Variants in KANK1 observed in about 807,000 individuals in gnomAD.
KANK1 encodes the protein KN motif and ankyrin repeat domain-containing protein 1.
Under a neutral mutation model 106.2 loss-of-function variants are expected in KANK1, and 109 were observed. The ratio of observed to expected loss-of-function variants is 1.03; its 90% confidence interval spans 0.88 to 1.20. KANK1 has a LOEUF of 1.20. Among genes scored for constraint, KANK1 ranks in the 50% most tolerant of loss-of-function variants. The pLI, the probability that KANK1 is intolerant of heterozygous loss-of-function variation, is 0.00. For missense variants in KANK1, 2,399 were observed against 1,710.7 expected (o/e 1.40, Z -7.10); for synonymous variants, 873 against 652.2 (o/e 1.34, Z -5.16).
intron 1 of KANK1, among the ~76,000 whole-genome samples, chr9:664,523 C>T (rs1008371474): frequency 6.6e-6 from 1 of 152,110 alleles, no homozygotes; most frequent in Non-Finnish European, 1.5e-5. Flanking sequence ...TCTCAAACTC[C>T]TGGACTCAAG....
chr9:572,829 C>A (rs1470301606), intron 1 of KANK1, among the ~76,000 whole-genome samples: 3 of 152,164 alleles, frequency 2.0e-5, no homozygotes, highest in African/African-American at 7.2e-5. Flanking sequence ...TCCCACATTT[C>A]CATCTTTATA....
chr9:676,940 C>T lies in KANK1; in HGVS notation c.-33C>T, dbSNP rs757648531. On this transcript the variant is annotated 5_prime_UTR_variant, in exon 2 of 12. Transcript: ENST00000382297. ...CATAAAATTTGCATGACTCCTCACT[C>T]CTTTCTGGATCTCTCATTGGACTCA... 2.5e-6 allele frequency: 4 copies of T among 1,606,462 alleles called. No homozygotes were observed. The highest frequency in any genetic ancestry group is 1.7e-5 in the Admixed American group (1 of 59,646).
chr9:552,228 T>G (rs998974898), intron 1 of KANK1, among the ~76,000 whole-genome samples: 10 of 151,908 alleles, frequency 6.6e-5, no homozygotes, highest in African/African-American at 1.7e-4. Context: ...CACCCTGAGG[T>G]AGAAAGGGAG....
chr9:684,174 C>G (rs900639144), intron 2 of KANK1: 1 of 985,264 alleles, frequency 1.0e-6, no homozygotes, highest in Non-Finnish European at 1.2e-6. Context: ...TATAAGCTTT[C>G]TTGCCCCAAG....
intron 8 of KANK1, among the ~76,000 whole-genome samples, chr9:739,552 T>C (rs1276199938): frequency 1.3e-5 from 2 of 152,190 alleles, no homozygotes; most frequent in Non-Finnish European, 2.9e-5. Context: ...GCCCCTCCTC[T>C]TCAGGCTTTC....
At chr9:651,693 G>A (rs966105639) in intron 1 of KANK1, among the ~76,000 whole-genome samples, 2 of 152,174 alleles carry the variant, frequency 1.3e-5, no homozygotes, top group African/African-American at 4.8e-5. Flanking sequence ...TACACATCAG[G>A]CTCCATATAA....
At position 586,708 on chromosome 9, in the gene KANK1, G is replaced by A. The variant is rs187788204; in HGVS notation, c.-84+81954G>A. Among the ~76,000 whole-genome samples the A allele has an allele frequency of 1.4e-3, 212 of 152,308 alleles. 8 individuals carry two copies. The highest frequency in any genetic ancestry group is 0.014 in the Admixed American group (212 of 15,298). On this transcript the variant is annotated intron_variant, in intron 1 of 11. Transcript: ENST00000382297. ...TGTTTGTACTACCAAACACACGGAG[G>A]AGGAGAACAGAACAGAAGGTGGAAA...
At chr9:511,917 G>A (rs1340743720) in intron 1 of KANK1, among the ~76,000 whole-genome samples, 1 of 152,112 alleles carries the variant, frequency 6.6e-6, no homozygotes, top group Non-Finnish European at 1.5e-5. Context: ...TTCAGGCAGG[G>A]CTGGGCTGGG....
At chr9:564,017 C>G (rs2134506288) in intron 1 of KANK1, among the ~76,000 whole-genome samples, 1 of 151,650 alleles carries the variant, frequency 6.6e-6, no homozygotes, top group Non-Finnish European at 1.5e-5. Flanking sequence ...GCTGTGTTAA[C>G]TTCTCGCGTC....
intron 1 of KANK1, among the ~76,000 whole-genome samples, chr9:675,219 T>C (rs1269121224): frequency 6.6e-6 from 1 of 152,200 alleles, no homozygotes; most frequent in East Asian, 1.9e-4. Flanking sequence ...ATACTTTGAA[T>C]ATTTTGCCTT....
At chr9:670,692 G>C (rs1262995129) in intron 1 of KANK1, among the ~76,000 whole-genome samples, 2 of 152,140 alleles carry the variant, frequency 1.3e-5, no homozygotes, top group Admixed American at 6.5e-5. Flanking sequence ...TGGTAATCCT[G>C]CCTCCTTCCT....
chr9:586,700 A>G (rs1253133498), intron 1 of KANK1, among the ~76,000 whole-genome samples: 1 of 152,218 alleles, frequency 6.6e-6, no homozygotes, highest in Non-Finnish European at 1.5e-5. Context: ...ACTACCAAAC[A>G]CACGGAGGAG....
At chr9:670,428 C>T (rs947516845) in intron 1 of KANK1, among the ~76,000 whole-genome samples, 1 of 152,154 alleles carries the variant, frequency 6.6e-6, no homozygotes, top group East Asian at 1.9e-4. Context: ...TAGGTCACTG[C>T]CTCTTTTTCA....
At chr9:625,420 G>A (rs575795675) in intron 1 of KANK1, among the ~76,000 whole-genome samples, 1 of 152,240 alleles carries the variant, frequency 6.6e-6, no homozygotes, top group Admixed American at 6.5e-5. Context: ...CAGTTTTCCA[G>A]AAAAATTGTT....
At chr9:554,365 C>A (rs551903512) in intron 1 of KANK1, among the ~76,000 whole-genome samples, 16 of 152,178 alleles carry the variant, frequency 1.1e-4, no homozygotes, top group African/African-American at 3.4e-4. Context: ...ATTTGCCTTT[C>A]CTCTCCCTTT....
At chr9:581,762 G>A (rs949151641) in intron 1 of KANK1, among the ~76,000 whole-genome samples, 1 of 152,094 alleles carries the variant, frequency 6.6e-6, no homozygotes, top group Non-Finnish European at 1.5e-5. Context: ...TGTCAGGAAG[G>A]CCTGAGAAGT....
intron 1 of KANK1, among the ~76,000 whole-genome samples, chr9:537,395 T>C (rs2060355611): frequency 6.6e-6 from 1 of 152,090 alleles, no homozygotes; most frequent in African/African-American, 2.4e-5. Context: ...TCTCAGAAAA[T>C]AATTTGCTAG....
chr9:572,725 G>A (rs1819531161), intron 1 of KANK1, among the ~76,000 whole-genome samples: 1 of 152,094 alleles, frequency 6.6e-6, no homozygotes, highest in African/African-American at 2.4e-5. Flanking sequence ...GGACATGTGT[G>A]TTAAGCAGAA....
At chr9:609,781 A>G (rs533489136) in intron 1 of KANK1, among the ~76,000 whole-genome samples, 36 of 152,328 alleles carry the variant, frequency 2.4e-4, no homozygotes, top group Admixed American at 1.9e-3. Flanking sequence ...GGTTAATATC[A>G]TAGTTTGGAA....
Sources: allele counts gnomAD v4.1 joint callset (sites outside exome capture counted in the v4.1 genomes callset), GRCh38; gene constraint gnomAD v4.1.1; transcripts MANE v1.5; gene names NCBI Gene and HGNC (gene_info 2026-07-23, HGNC 2026-07-21).